SEC13: variants seen among roughly 807,000 people sequenced by gnomAD.
The protein encoded by SEC13 is SEC13 homolog, nuclear pore and COPII component.
Under a neutral mutation model 49.2 loss-of-function variants are expected in SEC13, and 25 were observed. The observed-to-expected ratio is 0.51, with a 90% CI of 0.37 to 0.71. The LOEUF (loss-of-function observed/expected upper bound fraction) is 0.71, where lower values mean the gene tolerates loss of function less well. Ranked by LOEUF, SEC13 falls within the 30% of genes least tolerant of loss-of-function variation. The pLI is 0.00. For missense variants in SEC13, 383 were observed against 417.6 expected (o/e 0.92, Z 0.72); for synonymous variants, 148 against 163.9 (o/e 0.90, Z 0.74).
intron 5 of SEC13, among the ~76,000 whole-genome samples, chr3:10,309,092 C>T (rs926165397): frequency 1.3e-5 from 2 of 151,740 alleles, no homozygotes; most frequent in African/African-American, 4.8e-5. Context: ...TGTGCGCCAC[C>T]ACGTCTGGCT....
chr3:10,312,113 A>G lies in SEC13; in HGVS notation c.317-15T>C. ...CACCGAGTTCACTGCGGGAAGAGGG[A>G]GAGTGCAGTGAGCAAAGCAGGGAGA... On this transcript the variant is annotated splice_polypyrimidine_tract_variant and intron_variant, in intron 4 of 8. Coordinates refer to ENST00000350697, the MANE Select transcript of SEC13 (RefSeq NM_183352.3). 6.3e-7 allele frequency: 1 copy of G among 1,582,596 alleles called. No homozygotes were observed. Among genetic ancestry groups the G allele is most frequent in the East Asian group, 2.3e-5 (1 of 43,112 alleles).
intron 3 of SEC13, chr3:10,314,971 G>A: frequency 4.7e-6 from 1 of 211,652 alleles, no homozygotes; most frequent in Non-Finnish European, 9.6e-6. Flanking sequence ...CCTGTGTCAG[G>A]GCCTTGCATA....
rs771297421 is a variant in SEC13, at chr3:10,312,010, G to A, written c.405C>T (p.Thr135=). Reference sequence around the variant, plus strand: ...TCTTTACTTCCCATTGGCCTTCCCCGGTGTAAGTCAGCAGGGAGATGGCCC... The same window carrying A: ...TCTTTACTTCCCATTGGCCTTCCCCAGTGTAAGTCAGCAGGGAGATGGCCC... ...SDGAISLLTY[T]GEGQWEVKKI... The change falls in exon 5 of 9, where the codon ACC becomes ACT. Residue 135 remains threonine, a synonymous_variant. Coordinates refer to ENST00000350697, the MANE Select transcript of SEC13 (RefSeq NM_183352.3). 12 of 1,614,010 alleles carry A rather than the reference G, an allele frequency of 7.4e-6. No homozygotes were observed. Among genetic ancestry groups the A allele is most frequent in the South Asian group, 2.2e-5 (2 of 91,074 alleles).
intron 3 of SEC13, chr3:10,314,841 T>TA (rs1701503949): frequency 1.3e-5 from 2 of 154,430 alleles, no homozygotes; most frequent in South Asian, 4.0e-4. Context: ...ACATTATTCT[T>TA]ACGGTGATGC....
chr3:10,311,579 A>G (rs2125268042), intron 5 of SEC13: 1 of 943,846 alleles, frequency 1.1e-6, no homozygotes, highest in East Asian at 1.0e-4. Context: ...GACCTTGTTT[A>G]TATTAATCTT....
chr3:10,301,224 G>A lies in SEC13; in HGVS notation c.*37C>T. ...GTTGGCCCAGGAAGGGGCAGTCCTGGAGCTGGCGGGTGGGGAGCCAGGCCC... is the reference window on the plus strand; with the variant it reads ...GTTGGCCCAGGAAGGGGCAGTCCTGAAGCTGGCGGGTGGGGAGCCAGGCCC... On this transcript the variant is annotated 3_prime_UTR_variant, in exon 9 of 9. Transcript: ENST00000350697. 1.2e-6 allele frequency: 2 copies of A among 1,614,118 alleles called. No homozygotes were observed. The highest frequency in any genetic ancestry group is 1.7e-6 in the Non-Finnish European group (2 of 1,179,978).
intron 8 of SEC13, among the ~76,000 whole-genome samples, chr3:10,303,078 T>C (rs1235143540): frequency 6.6e-6 from 1 of 152,206 alleles, no homozygotes; most frequent in African/African-American, 2.4e-5. Context: ...AGTTTCAATT[T>C]TGCAGCTGAA....
At chr3:10,311,635 A>C (rs935472137) in intron 5 of SEC13, 10 of 1,142,346 alleles carry the variant, frequency 8.8e-6, no homozygotes, top group Non-Finnish European at 9.7e-6. Context: ...AGTTTTAATA[A>C]CACCACTCCA....
At chr3:10,303,743 G>C in intron 8 of SEC13, 1 of 484,238 alleles carries the variant, frequency 2.1e-6, no homozygotes, top group Non-Finnish European at 3.8e-6. Flanking sequence ...TGCTTAGTAG[G>C]GTGATGGGCC....
chr3:10,304,222 T>TTGTGA (rs768366629), intron 7 of SEC13, 50 bp from the exon 8 acceptor site: 3 of 1,597,418 alleles, frequency 1.9e-6, no homozygotes, highest in African/African-American at 2.7e-5. Flanking sequence ...ACTCCTGCGT[T>TTGTGA]TGTGATGTGA....
At chr3:10,307,080 G>A (rs1700924585) in intron 5 of SEC13, among the ~76,000 whole-genome samples, 1 of 151,902 alleles carries the variant, frequency 6.6e-6, no homozygotes, top group Non-Finnish European at 1.5e-5. Flanking sequence ...TTGAGACAGG[G>A]TCTCACTGTC....
intron 5 of SEC13, among the ~76,000 whole-genome samples, chr3:10,309,969 C>G (rs981120118): frequency 3.3e-5 from 5 of 152,208 alleles, no homozygotes; most frequent in Non-Finnish European, 7.3e-5. Flanking sequence ...CCCTATCCAG[C>G]TCAACTGTGA....
intron 8 of SEC13, among the ~76,000 whole-genome samples, chr3:10,302,216 C>A (rs1386696731): frequency 1.3e-5 from 2 of 152,074 alleles, no homozygotes; most frequent in Admixed American, 1.3e-4. Flanking sequence ...CCAGCCTGGA[C>A]GACAGAGCGA....
At position 10,304,184 on chromosome 3, in the gene SEC13, C is replaced by T. The variant is rs114125236; in HGVS notation, c.709-12G>A. ...AACACACGACCATCCTAGGAAGAAA[C>T]AGGATAGAGTCAGGAGGTGGAGTCA... is the stretch of plus-strand genomic sequence containing the variant. On this transcript the variant is annotated splice_polypyrimidine_tract_variant and intron_variant, in intron 7 of 8. Coordinates refer to ENST00000350697, the MANE Select transcript of SEC13 (RefSeq NM_183352.3). 3,450 of 1,613,606 alleles carry T rather than the reference C, an allele frequency of 2.1e-3. 63 individuals carry two copies. The African/African-American group carries it at 0.039, about 18-fold the overall frequency.
chr3:10,312,816 T>C (rs1227326931), intron 3 of SEC13, 86 bp from the exon 4 acceptor site: 10 of 1,328,274 alleles, frequency 7.5e-6, no homozygotes, highest in Non-Finnish European at 1.1e-5. Context: ...CCTGAGACGA[T>C]ATATCAGGGC....
At position 10,302,195 on chromosome 3, in the gene SEC13, G is replaced by A. The variant is rs187087854; in HGVS notation, c.856-821C>T. ...GGAGGTTGCAGTGAGCCGAGACTGC[G>A]CCACTGCACTCCAGCCTGGACGACA... On this transcript the variant is annotated intron_variant, in intron 8 of 8. Transcript: ENST00000350697. Among the ~76,000 whole-genome samples the A allele has an allele frequency of 4.6e-5, 7 of 152,246 alleles. 1 individual carries two copies. The South Asian group carries it at 1.0e-3, about 23-fold the overall frequency.
At chr3:10,309,699 G>A (rs548305104) in intron 5 of SEC13, among the ~76,000 whole-genome samples, 1 of 152,314 alleles carries the variant, frequency 6.6e-6, no homozygotes, top group East Asian at 1.9e-4. Context: ...TTTCTAATGT[G>A]CTCTCATTGT....
chr3:10,315,242 G>T, intron 3 of SEC13, 79 bp downstream of exon 3: 1 of 1,053,758 alleles, frequency 9.5e-7, no homozygotes, highest in Non-Finnish European at 1.5e-6. Flanking sequence ...GGGCTCCCAT[G>T]CTTTGCTCCC....
chr3:10,313,229 C>A (rs1186998495), intron 3 of SEC13: 1 of 233,072 alleles, frequency 4.3e-6, no homozygotes, highest in African/African-American at 2.2e-5. Context: ...CTCTTCTGAT[C>A]TTTATCCATT....
Sources: gnomAD v4.1 joint callset for allele counts (sites outside exome capture counted in the v4.1 genomes callset) on GRCh38, gnomAD v4.1.1 for gene constraint, MANE v1.5 for transcripts, NCBI Gene and HGNC (gene_info 2026-07-23, HGNC 2026-07-21) for gene names.